MYH3: variants seen among roughly 807,000 people sequenced by gnomAD.
MYH3 encodes the protein myosin heavy chain 3.
A neutral mutation model predicts 238.0 loss-of-function variants in MYH3; 130 were observed. That is an observed-to-expected ratio of 0.55 (90% CI 0.47 to 0.63). MYH3 has a LOEUF of 0.63. Among genes scored for constraint, MYH3 ranks in the 30% least tolerant of loss-of-function variants. MYH3 has a pLI of 0.00. For missense variants in MYH3, 1,853 were observed against 2,374.9 expected, an observed-to-expected ratio of 0.78 and a Z score of 4.57; for synonymous variants, 880 against 924.1, an observed-to-expected ratio of 0.95 and a Z score of 0.86.
the MYH3 span, among the ~76,000 whole-genome samples, chr17:10,669,485 T>C: frequency 6.6e-6 from 1 of 150,956 alleles, no homozygotes; most frequent in South Asian, 2.1e-4. Flanking sequence ...GAGAATCGCT[T>C]GAACCTGGGA....
chr17:10,630,203 G>A lies in MYH3; in HGVS notation c.5458-7C>T, dbSNP rs753902585. On this transcript the variant is annotated splice_region_variant and splice_polypyrimidine_tract_variant and intron_variant, in intron 37 of 40. Coordinates refer to ENST00000583535, the MANE Select transcript of MYH3 (RefSeq NM_002470.4). ...CAAACTCCAGCTCTCGGATCTGGGG[G>A]AGAGGGTGGGGAAATTAGTCTGGGG... 2 of 1,614,130 alleles carry A rather than the reference G, an allele frequency of 1.2e-6. No individual in the cohort carries two copies. Among genetic ancestry groups the A allele is most frequent in the Admixed American group, 1.7e-5 (1 of 60,022 alleles).
chr17:10,659,333 C>CACTG (rs2074464562), upstream of MYH3, among the ~76,000 whole-genome samples: 3 of 152,220 alleles, frequency 2.0e-5, no homozygotes, highest in Non-Finnish European at 4.4e-5. Context: ...TGGCTTTCCA[C>CACTG]ACTGTCCTTG....
chr17:10,635,408 C>G lies in MYH3; in HGVS notation c.4131G>C (p.Glu1377Asp), dbSNP rs2074204626. The change falls in exon 30 of 41, where the codon GAG becomes GAC. Residue 1377 changes from glutamate (E) to aspartate (D), a missense_variant. Physicochemically the swap from Glu to Asp is conservative, Grantham distance 45 (BLOSUM62 2). This residue lies in a region of MYH3 where 1,044 missense variants were observed against 1,192.6 expected (regional missense o/e 0.88). Transcript: ENST00000583535. The stretch of plus-strand genomic sequence containing the variant: ...CTTCTGTGCGCTGGATGGCGTCCGT[C>G]TCGTATTTGGTTCTCCACTGGGCAA... ...SEVAQWRTKY[E>D]TDAIQRTEEL... 3 of 1,613,952 alleles carry G rather than the reference C, an allele frequency of 1.9e-6. No homozygotes were observed. The highest frequency in any genetic ancestry group is 2.2e-5 in the South Asian group (2 of 91,086).
At chr17:10,651,204 C>T (rs1161418923) in intron 5 of MYH3, among the ~76,000 whole-genome samples, 1 of 118,932 alleles carries the variant, frequency 8.4e-6, no homozygotes, top group Admixed American at 8.3e-5. Flanking sequence ...AAAAAAAAAC[C>T]AGCCAGTGGC....
intron 33 of MYH3, among the ~76,000 whole-genome samples, 199 bp from the exon 34 acceptor site, chr17:10,632,983 G>A (rs2074180189): frequency 1.3e-5 from 2 of 152,128 alleles, no homozygotes; most frequent in South Asian, 4.1e-4. Context: ...AGGCCGAGGG[G>A]GGCAGATCAC....
Position 10,646,091 on chromosome 17 carries a change from GGA to G in MYH3, c.899-61_899-60del, listed in dbSNP as rs2074318159. 3.5e-6 allele frequency: 5 copies of G among 1,417,112 alleles called. No individual in the cohort carries two copies. In the Admixed American group the frequency reaches 5.3e-5, roughly 15 times the overall value. 87.8% of individuals were successfully genotyped at this position (1,417,112 alleles called of 1,614,324 possible). ...GATGCAAAGAAAAAACCCACCCAGTGGACTTGAGCTCCTGCACCCTGGGCTGG... is the reference window on the plus strand; with the variant it reads ...GATGCAAAGAAAAAACCCACCCAGTGCTTGAGCTCCTGCACCCTGGGCTGG... On this transcript the variant is annotated intron_variant, in intron 10 of 40. Transcript: ENST00000583535.
intron 8 of MYH3, 60 bp from the exon 9 acceptor site, chr17:10,647,486 C>T: frequency 6.4e-7 from 1 of 1,565,476 alleles, no homozygotes; most frequent in Non-Finnish European, 8.8e-7. Flanking sequence ...AGTTCCTATT[C>T]ATCTTATGGG....
chr17:10,664,358 G>A, the MYH3 span, among the ~76,000 whole-genome samples: 10 of 152,128 alleles, frequency 6.6e-5, no homozygotes, highest in Non-Finnish European at 1.2e-4. Context: ...CTTGCTTGGG[G>A]TAGGTAGCTA....
At chr17:10,641,727 G>A (rs2074274795) in intron 17 of MYH3, among the ~76,000 whole-genome samples, 1 of 152,064 alleles carries the variant, frequency 6.6e-6, no homozygotes, top group Admixed American at 6.6e-5. Context: ...TGTTAGCCAG[G>A]ATGGTCTCGA....
chr17:10,647,381 A>C lies in MYH3; in HGVS notation c.781T>G (p.Ser261Ala). Residue 261 changes from serine (S) to alanine (A), a missense_variant, in exon 9 of 41, where the codon TCT becomes GCT. Around this residue, in one of 3 missense-constraint regions of MYH3, gnomAD observed 678 missense variants for 1,058.9 expected, o/e 0.64. Coordinates refer to ENST00000583535, the MANE Select transcript of MYH3 (RefSeq NM_002470.4). ...TACTTACAAGTTTCAATATCTGCAGAGGCCAGCTTCCCAGTGGTTCCAAAA... is the reference window on the plus strand; with the variant it reads ...TACTTACAAGTTTCAATATCTGCAGCGGCCAGCTTCCCAGTGGTTCCAAAA... ...IHFGTTGKLA[S>A]ADIETYLLEK... 6.2e-7 allele frequency: 1 copy of C among 1,614,230 alleles called. No homozygotes were observed. The highest frequency in any genetic ancestry group is 8.5e-7 in the Non-Finnish European group (1 of 1,180,026).
At chr17:10,666,438 G>C in the MYH3 span, among the ~76,000 whole-genome samples, 1 of 109,180 alleles carries the variant, frequency 9.2e-6, no homozygotes, top group African/African-American at 3.3e-5. Flanking sequence ...AGCAGGCATG[G>C]TGGTGCATGC....
intron 7 of MYH3, 81 bp from the exon 8 acceptor site, chr17:10,648,730 C>T (rs2074346909): frequency 1.6e-6 from 2 of 1,231,314 alleles, no homozygotes; most frequent in South Asian, 1.2e-5. Flanking sequence ...GGCTGCAGTG[C>T]AATGGCACGA....
At chr17:10,665,402 C>G in the MYH3 span, among the ~76,000 whole-genome samples, 1 of 152,192 alleles carries the variant, frequency 6.6e-6, no homozygotes, top group Non-Finnish European at 1.5e-5. Context: ...CTTGGCCTCT[C>G]AAAGTGCTGG....
chr17:10,663,529 G>A, the MYH3 span, among the ~76,000 whole-genome samples: 29 of 152,110 alleles, frequency 1.9e-4, 2 homozygotes, highest in South Asian at 6.0e-3. Context: ...GCTCACAGGG[G>A]CCCAGGAAAT....
chr17:10,663,588 T>A, the MYH3 span, among the ~76,000 whole-genome samples: 2 of 152,100 alleles, frequency 1.3e-5, no homozygotes, highest in African/African-American at 4.8e-5. Flanking sequence ...TCGACAGACA[T>A]CAGACATTGA....
Position 10,654,863 on chromosome 17 carries a change from T to C in MYH3, c.202A>G (p.Arg68Gly), listed in dbSNP as rs562034277. Residue 68 changes from arginine (R) to glycine (G), a missense_variant and splice_region_variant, in exon 3 of 41, where the codon AGG (arginine) becomes GGG (glycine). Physicochemically the swap from Arg to Gly is moderately radical, Grantham distance 125 (BLOSUM62 -2). Coordinates refer to ENST00000583535, the MANE Select transcript of MYH3 (RefSeq NM_002470.4). The surrounding 1 kb of genome is among the most constrained non-coding windows in gnomAD (Gnocchi z 4.5). ...CTGTGGAGGGTACAGAGCCTTACCC[T>C]GTTGTCCTCAGTTTCCACAGTGACC... ...GKVTVETEDN[R>G]TLVVKPEDVY... is the part of the protein sequence containing the mutation. 7 of 1,614,104 alleles carry C rather than the reference T, an allele frequency of 4.3e-6. No individual in the cohort carries two copies. In the South Asian group the frequency reaches 6.6e-5, roughly 15 times the overall value.
intron 3 of MYH3, among the ~76,000 whole-genome samples, chr17:10,653,388 G>C (rs2074397445): frequency 6.6e-6 from 1 of 152,134 alleles, no homozygotes; most frequent in Non-Finnish European, 1.5e-5. Flanking sequence ...TGAGCTCTCT[G>C]AAAGCAGCTG....
In MYH3 at chr17:10,638,358, G is replaced by A. The variant is rs200584758; in HGVS notation, c.3414C>T (p.Ser1138=). 15 of 1,608,462 alleles carry A rather than the reference G, an allele frequency of 9.3e-6. No homozygotes were observed. The highest frequency in any genetic ancestry group is 2.2e-5 in the East Asian group (1 of 44,836). The change falls in exon 27 of 41, where the codon AGC becomes AGT. Residue 1138 remains serine (S), a synonymous_variant. Transcript: ENST00000583535. The stretch of plus-strand genomic sequence containing the variant: ...GCTCCTCCAGCTCCCGGGCATAGTC[G>A]CTGCGCTGTTTCTCTGTCTTCGCGC... ...ATRAKTEKQR[S]DYARELEELS... is the part of the protein sequence containing the mutation.
chr17:10,647,327 T>C, intron 9 of MYH3, 36 bp downstream of exon 9: 2 of 1,613,872 alleles, frequency 1.2e-6, no homozygotes, highest in Non-Finnish European at 1.7e-6. Flanking sequence ...CCCAGTTAAC[T>C]CTGAGACGCC....
Sources: allele counts gnomAD v4.1 joint callset (sites outside exome capture counted in the v4.1 genomes callset), GRCh38; gene constraint gnomAD v4.1.1; regional missense constraint gnomAD v4.1.1; non-coding constraint Gnocchi (gnomAD v3.1); transcripts MANE v1.5; gene names NCBI Gene and HGNC (gene_info 2026-07-23, HGNC 2026-07-21).